The following DZANK1 variants were observed in gnomAD, a reference collection of about 807,000 sequenced individuals.
DZANK1 encodes the protein double zinc ribbon and ankyrin repeat domains 1, also known as double zinc ribbon and ankyrin repeat-containing protein 1.
DZANK1 carries 91 observed loss-of-function variants against 94.5 expected under a neutral mutation model. The observed-to-expected ratio is 0.96, with a 90% CI of 0.81 to 1.15. DZANK1 has a LOEUF of 1.15. Among genes scored for constraint, DZANK1 ranks in the 50% most tolerant of loss-of-function variants. The pLI is 0.00. For missense variants in DZANK1, 903 were observed against 916.4 expected (o/e 0.99, Z 0.19); for synonymous variants, 312 against 325.3 (o/e 0.96, Z 0.44).
chr20:18,393,162 G>C (rs1375289235), intron 17 of DZANK1, among the ~76,000 whole-genome samples: 1 of 152,128 alleles, frequency 6.6e-6, no homozygotes, highest in African/African-American at 2.4e-5. Flanking sequence ...AGAGGGAAAG[G>C]AAAAAAGCTT....
chr20:18,412,680 A>C, exon 13 of DZANK1: 1 of 1,613,162 alleles, frequency 6.2e-7, no homozygotes, highest in Non-Finnish European at 8.5e-7. Context: ...GGAGGGGTTT[A>C]TGGTCACTCA....
intron 2 of DZANK1, among the ~76,000 whole-genome samples, chr20:18,461,771 T>G (rs1601199809): frequency 6.6e-6 from 1 of 152,140 alleles, no homozygotes; most frequent in African/African-American, 2.4e-5. Flanking sequence ...AGCTAATTTT[T>G]GTATTTTTAG....
At chr20:18,402,085 C>T (rs2056713518) in intron 13 of DZANK1, among the ~76,000 whole-genome samples, 1 of 152,106 alleles carries the variant, frequency 6.6e-6, no homozygotes, top group Admixed American at 6.5e-5. Flanking sequence ...TGGGAATGAC[C>T]AACTTCTGGC....
chr20:18,449,193 G>T (rs1208684753), intron 6 of DZANK1, 124 bp from the exon 7 acceptor site: 1 of 773,356 alleles, frequency 1.3e-6, no homozygotes, highest in Non-Finnish European at 2.1e-6. Context: ...ATATAAAGAG[G>T]AATAATAGAC....
chr20:18,434,068 CTA>C (rs1186598282), intron 8 of DZANK1: 4 of 227,646 alleles, frequency 1.8e-5, no homozygotes, highest in East Asian at 9.2e-5. Context: ...TGTACAATTA[CTA>C]TGTGTCAATT....
At chr20:18,416,334 G>T (rs2057487233) in intron 10 of DZANK1, among the ~76,000 whole-genome samples, 1 of 152,144 alleles carries the variant, frequency 6.6e-6, no homozygotes, top group Non-Finnish European at 1.5e-5. Flanking sequence ...TTAGCACAGG[G>T]CCAAGCTCCA....
chr20:18,412,845 A>AC (rs758671014), intron 12 of DZANK1: 4 of 1,613,920 alleles, frequency 2.5e-6, no homozygotes, highest in Non-Finnish European at 2.5e-6. Context: ...ACTGCCAGGC[A>AC]CATCGGGGCC....
chr20:18,398,643 AC>A lies in DZANK1; in HGVS notation c.1433-18del, dbSNP rs1350749917. On this transcript the variant is annotated intron_variant, in intron 13 of 20. Coordinates refer to ENST00000262547, the Ensembl canonical transcript of DZANK1. ...TCCAGTACCCTAAGAAAGAAGAGAA[AC>A]CCCGCCATCTGGATGATTCTCCTGA... is the stretch of plus-strand genomic sequence containing the variant. 1 of 1,606,828 alleles carries A rather than the reference AC, an allele frequency of 6.2e-7. No homozygotes were observed. The highest frequency in any genetic ancestry group is 1.3e-5 in the African/African-American group (1 of 74,786).
intron 10 of DZANK1, among the ~76,000 whole-genome samples, chr20:18,416,665 T>C (rs1305266187): frequency 6.6e-6 from 1 of 152,158 alleles, no homozygotes; most frequent in Non-Finnish European, 1.5e-5. Flanking sequence ...CAGGGACCGC[T>C]CTGTTATCTA....
intron 17 of DZANK1, among the ~76,000 whole-genome samples, chr20:18,392,057 G>C (rs1341538321): frequency 1.3e-5 from 2 of 152,108 alleles, no homozygotes; most frequent in East Asian, 3.8e-4. Context: ...GTACACGTGT[G>C]CTCAAAAATA....
intron 9 of DZANK1, among the ~76,000 whole-genome samples, chr20:18,431,768 T>C (rs2058295561): frequency 6.6e-6 from 1 of 152,202 alleles, no homozygotes; most frequent in Admixed American, 6.5e-5. Flanking sequence ...CAAAGTCTGG[T>C]AGAGAAGGTG....
intron 13 of DZANK1, among the ~76,000 whole-genome samples, chr20:18,412,166 G>A (rs2148429777): frequency 6.6e-6 from 1 of 152,198 alleles, no homozygotes; most frequent in East Asian, 1.9e-4. Context: ...GTAGAGACAG[G>A]GTCTCACTTT....
At chr20:18,407,989 G>A (rs1425328419) in intron 13 of DZANK1, among the ~76,000 whole-genome samples, 1 of 152,222 alleles carries the variant, frequency 6.6e-6, no homozygotes, top group African/African-American at 2.4e-5. Context: ...AGAGGAGGTA[G>A]AGAAAGAAAT....
chr20:18,411,783 C>T (rs1361689478), intron 13 of DZANK1, among the ~76,000 whole-genome samples: 2 of 152,132 alleles, frequency 1.3e-5, no homozygotes, highest in Non-Finnish European at 2.9e-5. Flanking sequence ...TTATAAAGAA[C>T]AGGAATTTAT....
chr20:18,455,847 A>G (rs2148783123), intron 3 of DZANK1, among the ~76,000 whole-genome samples: 1 of 152,148 alleles, frequency 6.6e-6, no homozygotes, highest in East Asian at 1.9e-4. Context: ...TCCTCACAGT[A>G]TGGAAGCCTC....
At chr20:18,388,932 C>A (rs762728551) in intron 19 of DZANK1, among the ~76,000 whole-genome samples, 2 of 152,182 alleles carry the variant, frequency 1.3e-5, no homozygotes, top group African/African-American at 4.8e-5. Context: ...TCCACTGACA[C>A]GGACCTTGAC....
At chr20:18,416,571 G>C (rs956668761) in intron 10 of DZANK1, among the ~76,000 whole-genome samples, 4 of 152,108 alleles carry the variant, frequency 2.6e-5, no homozygotes, top group Admixed American at 2.6e-4. Context: ...ACGCACACCA[G>C]GGAAAACATT....
intron 13 of DZANK1, among the ~76,000 whole-genome samples, chr20:18,403,642 A>C (rs1834331921): frequency 6.6e-6 from 1 of 152,214 alleles, no homozygotes; most frequent in African/African-American, 2.4e-5. Context: ...ACAGCTAAGA[A>C]GAGCCCTCCT....
intron 9 of DZANK1, among the ~76,000 whole-genome samples, chr20:18,431,032 A>C (rs1440465297): frequency 6.6e-6 from 1 of 152,194 alleles, no homozygotes; most frequent in Non-Finnish European, 1.5e-5. Context: ...TGGTTATTTC[A>C]GAGAAATAGA....
Sources: gnomAD v4.1 joint callset for allele counts (sites outside exome capture counted in the v4.1 genomes callset) on GRCh38, gnomAD v4.1.1 for gene constraint, MANE v1.5 for transcripts, NCBI Gene and HGNC (gene_info 2026-07-23, HGNC 2026-07-21) for gene names.